Variants in RIT2 observed in about 807,000 individuals in gnomAD.
RIT2 encodes Ras like without CAAX 2, also known as GTP-binding protein Rit2.
Under a neutral mutation model 23.7 loss-of-function variants are expected in RIT2, and 24 were observed. That is an observed-to-expected ratio of 1.01 (90% CI 0.73 to 1.43). The LOEUF is 1.43. Among genes scored for constraint, RIT2 ranks in the 40% most tolerant of loss-of-function variants. RIT2 has a pLI of 0.00. For missense variants in RIT2, 236 were observed against 266.9 expected (o/e 0.88, Z 0.81); for synonymous variants, 107 against 91.1 (o/e 1.17, Z -0.99).
chr18:42,769,822 C>T (rs1258629238), intron 4 of RIT2, among the ~76,000 whole-genome samples: 2 of 146,090 alleles, frequency 1.4e-5, no homozygotes, highest in African/African-American at 5.0e-5. Flanking sequence ...ACGTTGTGCA[C>T]ATGTACCCTA....
At chr18:43,084,974 A>G (rs1473265775) in intron 1 of RIT2, among the ~76,000 whole-genome samples, 1 of 152,088 alleles carries the variant, frequency 6.6e-6, no homozygotes, top group East Asian at 1.9e-4. Context: ...GCCATGTGTG[A>G]GGAGCAGTGG....
At chr18:43,086,437 A>G (rs1401847150) in intron 1 of RIT2, among the ~76,000 whole-genome samples, 1 of 152,232 alleles carries the variant, frequency 6.6e-6, no homozygotes, top group Non-Finnish European at 1.5e-5. Flanking sequence ...ATGATGGAAT[A>G]CCATACAGTC....
intron 1 of RIT2, among the ~76,000 whole-genome samples, chr18:43,083,786 G>C (rs914243882): frequency 6.6e-6 from 1 of 151,950 alleles, no homozygotes; most frequent in Non-Finnish European, 1.5e-5. Context: ...AAACCCTAGA[G>C]GAAAACCTAA....
chr18:43,051,317 T>C (rs1912378191), intron 1 of RIT2, among the ~76,000 whole-genome samples: 1 of 152,030 alleles, frequency 6.6e-6, no homozygotes, highest in African/African-American at 2.4e-5. Flanking sequence ...CCATTACAGA[T>C]AGGAAGTTTT....
intron 4 of RIT2, among the ~76,000 whole-genome samples, chr18:42,827,590 C>T (rs918559581): frequency 5.3e-5 from 8 of 151,616 alleles, no homozygotes; most frequent in Non-Finnish European, 1.0e-4. Context: ...AACTCACACA[C>T]AAATCAGTAA....
At chr18:43,010,377 C>G (rs1568054828) in intron 2 of RIT2, among the ~76,000 whole-genome samples, 1 of 151,802 alleles carries the variant, frequency 6.6e-6, no homozygotes, top group Non-Finnish European at 1.5e-5. Context: ...CATCTCACAG[C>G]TCAGCTGAAC....
chr18:42,929,402 G>A (rs1448101381), intron 3 of RIT2, among the ~76,000 whole-genome samples: 1 of 151,974 alleles, frequency 6.6e-6, no homozygotes, highest in African/African-American at 2.4e-5. Context: ...CAATAATACT[G>A]ACGGAAGCTT....
At chr18:43,078,812 CTG>C (rs547260370) in intron 1 of RIT2, among the ~76,000 whole-genome samples, 135 of 152,272 alleles carry the variant, frequency 8.9e-4, no homozygotes, top group Non-Finnish European at 1.5e-3. Flanking sequence ...TTCTCTCTGA[CTG>C]TGGTCTTTTT....
At position 43,050,001 on chromosome 18, in the gene RIT2, T is replaced by A. The variant is rs1310448689; in HGVS notation, c.104-16134A>T. On this transcript the variant is annotated intron_variant, in intron 1 of 4. Coordinates refer to ENST00000326695, the MANE Select transcript of RIT2 (RefSeq NM_002930.4). The stretch of plus-strand genomic sequence containing the variant: ...TTTTTTTTTTTTTTTTTTTTTTTTT[T>A]AATGAACGAGACATACTCAGAATTG... Among the ~76,000 whole-genome samples, 10 of 92,758 alleles carry A rather than the reference T, an allele frequency of 1.1e-4. No homozygotes were observed. The South Asian group carries it at 2.9e-3, about 27-fold the overall frequency. 60.9% of individuals were successfully genotyped at this position (92,758 alleles called of 152,430 possible).
Position 42,965,711 on chromosome 18 carries a change from C to CTTTTTTTTTTTTTTTTTTTTTTTTTTTTT in RIT2, c.234+8334_234+8362dup, listed in dbSNP as rs58344278. On this transcript the variant is annotated intron_variant, in intron 3 of 4. Coordinates refer to ENST00000326695, the MANE Select transcript of RIT2 (RefSeq NM_002930.4). ...GGTAAACAAAGATGTGTACTGATGG[C>CTTTTTTTTTTTTTTTTTTTTTTTTTTTTT]TTTTTTTTTTTTTTTTTTTTTTTTT... Among the ~76,000 whole-genome samples the CTTTTTTTTTTTTTTTTTTTTTTTTTTTTT allele has an allele frequency of 2.6e-4, 10 of 37,786 alleles. 3 individuals carry two copies. Among genetic ancestry groups the CTTTTTTTTTTTTTTTTTTTTTTTTTTTTT allele is most frequent in the African/African-American group, 5.7e-4 (6 of 10,618 alleles). The allele number at this position is 37,786 out of a possible 152,430, so 24.8% of individuals were successfully genotyped here. A position where few individuals can be genotyped will look rare whatever the true frequency, so the allele number is the denominator to read the frequency against.
intron 4 of RIT2, among the ~76,000 whole-genome samples, chr18:42,917,077 A>G (rs1367270744): frequency 1.3e-5 from 2 of 152,158 alleles, no homozygotes; most frequent in Non-Finnish European, 2.9e-5. Context: ...GGCTCTATGT[A>G]GCTGAGGCTG....
chr18:42,755,567 A>T (rs543620018), intron 4 of RIT2, among the ~76,000 whole-genome samples: 28 of 152,222 alleles, frequency 1.8e-4, no homozygotes, highest in African/African-American at 6.3e-4. Context: ...TACTATCTGA[A>T]TTCATCTCAC....
chr18:42,773,915 A>C lies in RIT2; in HGVS notation c.427-30195T>G, dbSNP rs1211205670. Among the ~76,000 whole-genome samples the C allele has an allele frequency of 3.3e-5, 5 of 152,294 alleles. No homozygotes were observed. The South Asian group carries it at 1.0e-3, about 32-fold the overall frequency. On this transcript the variant is annotated intron_variant, in intron 4 of 4. Transcript: ENST00000326695. ...AATAGTAATTATTTAAAATGACTAA[A>C]AGGAAAACATTTTCCTCTTTCATTT...
chr18:42,797,267 A>G (rs1905391827), intron 4 of RIT2, among the ~76,000 whole-genome samples: 1 of 152,138 alleles, frequency 6.6e-6, no homozygotes, highest in African/African-American at 2.4e-5. Flanking sequence ...AAAATCAGAA[A>G]GTCCATGGTT....
At chr18:42,992,884 T>A (rs746887230) in intron 2 of RIT2, among the ~76,000 whole-genome samples, 10 of 152,154 alleles carry the variant, frequency 6.6e-5, no homozygotes, top group Non-Finnish European at 1.5e-4. Flanking sequence ...AAGGCCGTTT[T>A]ATTATCAATA....
At chr18:42,919,612 G>C (rs1909002481) in intron 4 of RIT2, among the ~76,000 whole-genome samples, 1 of 152,050 alleles carries the variant, frequency 6.6e-6, no homozygotes, top group Non-Finnish European at 1.5e-5. Context: ...TACGTGGGAG[G>C]CTGAAGCAGG....
chr18:42,922,971 T>C (rs62089943), intron 4 of RIT2, among the ~76,000 whole-genome samples: 9,041 of 152,208 alleles, frequency 0.059, 391 homozygotes, highest in Non-Finnish European at 0.096. Context: ...CCCCAAAACA[T>C]GGTAGCGTAA....
chr18:43,037,275 G>C (rs1247398711), intron 1 of RIT2, among the ~76,000 whole-genome samples: 1 of 152,164 alleles, frequency 6.6e-6, no homozygotes, highest in Non-Finnish European at 1.5e-5. Flanking sequence ...ATTTTGATCA[G>C]AATGTTAGAG....
In RIT2 at chr18:43,047,037, C is replaced by T. The variant is rs8090647; in HGVS notation, c.104-13170G>A. Among the ~76,000 whole-genome samples the T allele has an allele frequency of 3.3e-3, 504 of 152,220 alleles. 2 individuals carry two copies. The highest frequency in any genetic ancestry group is 0.012 in the African/African-American group (484 of 41,548). Reference sequence around the variant, plus strand: ...CAAATAAAAAAAAGCTATAATTACTCACACATCAATTAATAAGTATTTCAA... The same window carrying T: ...CAAATAAAAAAAAGCTATAATTACTTACACATCAATTAATAAGTATTTCAA... On this transcript the variant is annotated intron_variant, in intron 1 of 4. Coordinates refer to ENST00000326695, the MANE Select transcript of RIT2 (RefSeq NM_002930.4).
Sources: allele counts gnomAD v4.1 joint callset (sites outside exome capture counted in the v4.1 genomes callset), GRCh38; gene constraint gnomAD v4.1.1; transcripts MANE v1.5; gene names NCBI Gene and HGNC (gene_info 2026-07-23, HGNC 2026-07-21).